Variants in DGKK observed in about 807,000 individuals in gnomAD.
DGKK encodes 142 kDa diacylglycerol kinase.
DGKK carries 35 observed loss-of-function variants against 92.2 expected under a neutral mutation model. The observed-to-expected ratio is 0.38, with a 90% CI of 0.29 to 0.50. The LOEUF (loss-of-function observed/expected upper bound fraction) is 0.50. Among genes scored for constraint, DGKK ranks in the 20% least tolerant of loss-of-function variants. DGKK has a pLI of 0.92. For synonymous variants in DGKK, 368 were observed against 360.6 expected (o/e 1.02, Z -0.23); for missense variants, 910 against 992.2 (o/e 0.92, Z 1.11).
chrX:50,404,793 T>C (rs782724818), intron 4 of DGKK, among the ~76,000 whole-genome samples: 1 of 111,146 alleles, frequency 9.0e-6, no homozygotes, highest in South Asian at 3.9e-4. Flanking sequence ...TGGCCTTGGT[T>C]CTCTAGCCAG....
intron 1 of DGKK, among the ~76,000 whole-genome samples, chrX:50,443,575 T>C (rs1484107764): frequency 9.0e-6 from 1 of 111,108 alleles, no homozygotes; most frequent in East Asian, 2.8e-4. Context: ...GGAGGTTCTG[T>C]GCACCCTTCA....
intron 1 of DGKK, among the ~76,000 whole-genome samples, chrX:50,462,883 T>C (rs1557233501): frequency 1.5e-3 from 1 of 677 alleles, no homozygotes; most frequent in Non-Finnish European, 5.2e-3. Context: ...CTTTCCTTGC[T>C]TTTTTTTTTT....
Position 50,462,876 on chromosome X carries a change from T to C in DGKK, c.645+7158A>G, listed in dbSNP as rs781852028. Among the ~76,000 whole-genome samples the C allele has an allele frequency of 3.3e-5, 3 of 90,206 alleles. No individual in the cohort carries two copies. The East Asian group carries it at 1.1e-3, about 34-fold the overall frequency. The allele number at this position is 90,206 out of a possible 115,157, so 78.3% of individuals were successfully genotyped here. The stretch of plus-strand genomic sequence containing the variant: ...CTCCTGGAAAGATTTTCTTTTCCTT[T>C]CCTTGCTTTTTTTTTTTTTTTTTTT... On this transcript the variant is annotated intron_variant, in intron 1 of 27. Transcript: ENST00000611977.
rs781960395 is a variant in DGKK at position 50,388,455 on chromosome X, T to TC, written c.2018+71dup. 3.8e-6 allele frequency: 3 copies of TC among 787,573 alleles called. No homozygotes were observed. The South Asian group carries it at 7.2e-5, about 19-fold the overall frequency. 64.9% of individuals were successfully genotyped at this position (787,573 alleles called of 1,213,427 possible). A position where few individuals can be genotyped will look rare whatever the true frequency, so the allele number is the denominator to read the frequency against. On this transcript the variant is annotated intron_variant, in intron 13 of 27. Coordinates refer to ENST00000611977, the MANE Select transcript of DGKK (RefSeq NM_001013742.4). ...TGTATTTTCCTTGGCCTCAACACCC[T>TC]CAGCTATCAAAATGAGCCCCATGTC...
At chrX:50,460,063 T>G (rs782436086) in intron 1 of DGKK, among the ~76,000 whole-genome samples, 4 of 111,956 alleles carry the variant, frequency 3.6e-5, no homozygotes, top group Non-Finnish European at 7.5e-5. Context: ...AAGTTTATTA[T>G]AAAATGGAAC....
intron 24 of DGKK, among the ~76,000 whole-genome samples, chrX:50,375,624 C>T (rs782739775): frequency 8.5e-4 from 95 of 112,134 alleles, no homozygotes; most frequent in African/African-American, 3.0e-3. Context: ...CTGATATGGA[C>T]CTTTCCCTCA....
At chrX:50,466,017 CTTTTT>C (rs72090197) in intron 1 of DGKK, among the ~76,000 whole-genome samples, 2 of 42,790 alleles carry the variant, frequency 4.7e-5, no homozygotes, top group Non-Finnish European at 7.6e-5. Flanking sequence ...TTTCTTTTTT[CTTTTT>C]TTTTTTTTTT....
chrX:50,448,650 A>G (rs1926424719), intron 1 of DGKK, among the ~76,000 whole-genome samples: 1 of 111,398 alleles, frequency 9.0e-6, no homozygotes, highest in South Asian at 3.8e-4. Flanking sequence ...GAGAGTCTGT[A>G]AAGTCTGCAT....
intron 8 of DGKK, among the ~76,000 whole-genome samples, chrX:50,398,106 T>C (rs1158302085): frequency 1.8e-5 from 2 of 111,568 alleles, no homozygotes; most frequent in African/African-American, 6.5e-5. Context: ...AATAAATATA[T>C]ACGTGAACAG....
rs1322191132 is a variant in DGKK at position 50,422,540 on chromosome X, A to C, written c.757-14T>G. 8 of 1,186,561 alleles carry C rather than the reference A, an allele frequency of 6.7e-6. No homozygotes were observed. Among genetic ancestry groups the C allele is most frequent in the Non-Finnish European group, 9.1e-6 (8 of 877,666 alleles). On this transcript the variant is annotated splice_polypyrimidine_tract_variant and intron_variant, in intron 2 of 27. Transcript: ENST00000611977. Reference sequence around the variant, plus strand: ...AAAGTGTGCAAACTGGAAAGATATAAGACAGAGAGGGACAAGGAACCGTCT... The same window carrying C: ...AAAGTGTGCAAACTGGAAAGATATACGACAGAGAGGGACAAGGAACCGTCT...
chrX:50,428,698 C>T, intron 1 of DGKK, among the ~76,000 whole-genome samples: 1 of 111,811 alleles, frequency 8.9e-6, no homozygotes, highest in Middle Eastern at 4.7e-3. Context: ...TAAACAGAGG[C>T]TTTGTGTCAT....
Position 50,382,575 on chromosome X carries a change from T to C in DGKK, c.2578A>G (p.Asn860Asp). ...IRFKEKCVMN[N>D]YFGIGLDAKI... is the part of the protein sequence containing the mutation. ...GCATCCAGTCCAATTCCGAAGTAGT[T>C]GTTCATGACACATTTTTCTTTGAAG... Residue 860 changes from asparagine (N) to aspartate (D), a missense_variant, in exon 18 of 28, where the codon AAC (asparagine) becomes GAC (aspartate). Coordinates refer to ENST00000611977, the MANE Select transcript of DGKK (RefSeq NM_001013742.4). 8.3e-7 allele frequency: 1 copy of C among 1,209,623 alleles called. No homozygotes were observed. Among genetic ancestry groups the C allele is most frequent in the East Asian group, 3.0e-5 (1 of 33,798 alleles).
At chrX:50,387,999 A>T (rs1924592529) in intron 13 of DGKK, among the ~76,000 whole-genome samples, 1 of 112,171 alleles carries the variant, frequency 8.9e-6, no homozygotes, top group Admixed American at 9.4e-5. Flanking sequence ...CTATGTTTCA[A>T]GGGCCCAGCT....
intron 25 of DGKK, among the ~76,000 whole-genome samples, chrX:50,373,472 G>A (rs979938480): frequency 8.9e-6 from 1 of 111,974 alleles, no homozygotes; most frequent in South Asian, 3.8e-4. Context: ...CATGAGCCTC[G>A]GGAAAGTGGC....
intron 25 of DGKK, 52 bp from the exon 26 acceptor site, chrX:50,371,886 A>T (rs1602264266): frequency 1.3e-6 from 1 of 769,353 alleles, no homozygotes; most frequent in East Asian, 3.5e-5. Flanking sequence ...ACTTTTGTAG[A>T]CTCTTACACT....
Position 50,470,642 on chromosome X carries a change from G to A in DGKK, c.37C>T (p.Pro13Ser). 1 of 1,143,013 alleles carries A rather than the reference G, an allele frequency of 8.7e-7. No homozygotes were observed. The highest frequency in any genetic ancestry group is 1.2e-6 in the Non-Finnish European group (1 of 867,773). 94.2% of individuals were successfully genotyped at this position (1,143,013 alleles called of 1,213,427 possible). A position where few individuals can be genotyped will look rare whatever the true frequency, so the allele number is the denominator to read the frequency against. ...GCGGGCTGCTCTCCATCCTGAGGCG[G>A]GGCAGTGCCCTGGGCTGCGGCAGCT... ...RGAAAAQGTA[P>S]PQDGEQPAES... The change falls in exon 1 of 28, where the codon CCG becomes TCG. Residue 13 changes from proline to serine, a missense_variant. Transcript: ENST00000611977.
chrX:50,395,234 G>A (rs1367372038), intron 8 of DGKK, among the ~76,000 whole-genome samples: 1 of 111,822 alleles, frequency 8.9e-6, no homozygotes, highest in East Asian at 2.8e-4. Flanking sequence ...GAACAATGCA[G>A]GCCCCAATTC....
intron 22 of DGKK, 131 bp downstream of exon 22, chrX:50,377,967 T>A: frequency 1.2e-6 from 1 of 819,847 alleles, no homozygotes; most frequent in Non-Finnish European, 1.7e-6. Context: ...ATAACCAGCA[T>A]CTCAAGTGAC....
intron 1 of DGKK, among the ~76,000 whole-genome samples, chrX:50,429,640 G>A (rs1370555114): frequency 8.9e-6 from 1 of 112,171 alleles, no homozygotes; most frequent in Non-Finnish European, 1.9e-5. Context: ...AGTGAGCCGA[G>A]ATCGCGCCAC....
Sources: gnomAD v4.1 joint callset for allele counts (sites outside exome capture counted in the v4.1 genomes callset) on GRCh38, gnomAD v4.1.1 for gene constraint, MANE v1.5 for transcripts, NCBI Gene and HGNC (gene_info 2026-07-23, HGNC 2026-07-21) for gene names.